Variants in LEF1 observed in about 807,000 individuals in gnomAD.
The protein encoded by LEF1 is lymphoid enhancer-binding factor 1.
LEF1 carries 14 observed loss-of-function variants against 51.2 expected under a neutral mutation model. The ratio of observed to expected loss-of-function variants is 0.27; its 90% CI spans 0.18 to 0.43. LEF1 has a LOEUF of 0.43. Ranked by LOEUF, LEF1 falls within the 20% of genes least tolerant of loss-of-function variation. The pLI is 1.00. For synonymous variants in LEF1, 185 were observed against 183.2 expected, an observed-to-expected ratio of 1.01 and a Z score of -0.08; for missense variants, 386 against 512.0, an observed-to-expected ratio of 0.75 and a Z score of 2.37.
intron 9 of LEF1, 184 bp downstream of exon 9, chr4:108,070,475 CAAAA>C (rs375476270): frequency 6.1e-6 from 2 of 326,904 alleles, no homozygotes. Flanking sequence ...GCACCCATAG[CAAAA>C]AAAAAAAGAT....
Position 108,048,562 on chromosome 4 carries a change from G to T in LEF1, c.*196C>A. ...TCTTGCAGTAGACGAAAGAGGGGTT[G>T]GCAGTGATTGTCTTTATGGATCAGC... On this transcript the variant is annotated 3_prime_UTR_variant, in exon 12 of 12. Transcript: ENST00000265165. 1.8e-6 allele frequency: 1 copy of T among 558,618 alleles called. No homozygotes were observed. The highest frequency in any genetic ancestry group is 5.2e-5 in the South Asian group (1 of 19,056). 34.6% of individuals were successfully genotyped at this position (558,618 alleles called of 1,614,324 possible).
At chr4:108,059,704 TGTTTTTTGC>T (rs1202582562) in intron 11 of LEF1, among the ~76,000 whole-genome samples, 2 of 152,054 alleles carry the variant, frequency 1.3e-5, no homozygotes, top group African/African-American at 2.4e-5. Context: ...CAGACTGGTT[TGTTTTTTGC>T]GTTTTTTGAG....
chr4:108,067,298 G>A (rs186987629), intron 9 of LEF1, among the ~76,000 whole-genome samples: 5 of 152,326 alleles, frequency 3.3e-5, no homozygotes, highest in Admixed American at 2.6e-4. Flanking sequence ...TCAACATGGA[G>A]AAGAGAGAGC....
At chr4:108,139,042 T>A (rs899834799) in intron 3 of LEF1, among the ~76,000 whole-genome samples, 1 of 152,176 alleles carries the variant, frequency 6.6e-6, no homozygotes, top group Non-Finnish European at 1.5e-5. Context: ...TACCTAAAAA[T>A]ACAGACTGAG....
intron 11 of LEF1, among the ~76,000 whole-genome samples, chr4:108,060,773 C>A (rs1242923192): frequency 6.6e-6 from 1 of 151,992 alleles, no homozygotes; most frequent in African/African-American, 2.4e-5. Flanking sequence ...ACTACCCTCA[C>A]AGCAACATAA....
At chr4:108,053,035 T>A (rs908307857) in intron 11 of LEF1, among the ~76,000 whole-genome samples, 2 of 152,172 alleles carry the variant, frequency 1.3e-5, no homozygotes, top group African/African-American at 4.8e-5. Context: ...CTCTCCACCA[T>A]ACCTTGGAAC....
At chr4:108,136,308 C>G (rs1743261263) in intron 3 of LEF1, among the ~76,000 whole-genome samples, 1 of 152,118 alleles carries the variant, frequency 6.6e-6, no homozygotes, top group Non-Finnish European at 1.5e-5. Context: ...CTGCTTTGTC[C>G]TTCTACTATA....
intron 9 of LEF1, among the ~76,000 whole-genome samples, chr4:108,066,667 A>T (rs1190562502): frequency 1.3e-5 from 2 of 152,250 alleles, no homozygotes; most frequent in Non-Finnish European, 2.9e-5. Context: ...ATCTACATTT[A>T]TGATAGGCAA....
intron 3 of LEF1, among the ~76,000 whole-genome samples, chr4:108,151,883 G>A (rs974900224): frequency 7.2e-5 from 11 of 152,098 alleles, no homozygotes; most frequent in African/African-American, 2.2e-4. Context: ...TGGTGTTGTT[G>A]CGTTACATTC....
In LEF1 at chr4:108,083,463, A is replaced by G. The variant is rs1394560527; in HGVS notation, c.548-17T>C. 6.6e-7 allele frequency: 1 copy of G among 1,521,084 alleles called. No homozygotes were observed. The highest frequency in any genetic ancestry group is 1.8e-5 in the Admixed American group (1 of 56,648). The allele number at this position is 1,521,084 out of a possible 1,614,324, so 94.2% of individuals were successfully genotyped here. On this transcript the variant is annotated splice_polypyrimidine_tract_variant and intron_variant, in intron 4 of 11. Coordinates refer to ENST00000265165, the MANE Select transcript of LEF1 (RefSeq NM_016269.5). ...TGGACATGCCTGTTAAACAGAACAG[A>G]GAGGTATCATTTACAGATTCACAGG...
chr4:108,081,064 T>C (rs1321243006), intron 6 of LEF1, among the ~76,000 whole-genome samples: 2 of 152,114 alleles, frequency 1.3e-5, no homozygotes, highest in Non-Finnish European at 2.9e-5. Context: ...ACGCACACCC[T>C]GTATGGCCTG....
At position 108,085,430 on chromosome 4, in the gene LEF1, G is replaced by A. The variant is rs149111087; in HGVS notation, c.548-1984C>T. 2.2e-4 allele frequency among the ~76,000 whole-genome samples: 34 copies of A among 152,324 alleles called. 1 individual carries two copies. The East Asian group carries it at 6.6e-3, about 29-fold the overall frequency. On this transcript the variant is annotated intron_variant, in intron 4 of 11. Coordinates refer to ENST00000265165, the MANE Select transcript of LEF1 (RefSeq NM_016269.5). ...TCACAGGTGTGGAAATTGAGGTCTAGAGGGACCAAGTGACTGTTAAGGCAT... is the reference window on the plus strand; with the variant it reads ...TCACAGGTGTGGAAATTGAGGTCTAAAGGGACCAAGTGACTGTTAAGGCAT...
chr4:108,070,174 C>T (rs1309993198), intron 9 of LEF1, among the ~76,000 whole-genome samples: 3 of 151,894 alleles, frequency 2.0e-5, no homozygotes, highest in African/African-American at 7.3e-5. Flanking sequence ...TTGTGAAATT[C>T]ACTTAATGGA....
intron 3 of LEF1, among the ~76,000 whole-genome samples, chr4:108,132,294 C>T (rs1172955556): frequency 1.3e-5 from 2 of 152,170 alleles, no homozygotes; most frequent in Non-Finnish European, 2.9e-5. Flanking sequence ...GGAATACTAT[C>T]CCATTCTGTA....
At chr4:108,162,304 T>C (rs912362404) in intron 3 of LEF1, among the ~76,000 whole-genome samples, 4 of 152,174 alleles carry the variant, frequency 2.6e-5, no homozygotes, top group African/African-American at 9.7e-5. Context: ...AGATCAAATA[T>C]CCTTTAGCAA....
chr4:108,074,866 T>G (rs578005761), intron 8 of LEF1, among the ~76,000 whole-genome samples: 2 of 152,358 alleles, frequency 1.3e-5, no homozygotes, highest in African/African-American at 4.8e-5. Flanking sequence ...CATACCTTCA[T>G]ATCATATCCT....
intron 3 of LEF1, among the ~76,000 whole-genome samples, chr4:108,094,873 G>A (rs1740277146): frequency 1.3e-5 from 2 of 152,138 alleles, no homozygotes; most frequent in Non-Finnish European, 2.9e-5. Flanking sequence ...TCTGGTACTC[G>A]TGACATAAAG....
chr4:108,077,040 A>AAAC (rs1180409318), intron 8 of LEF1, among the ~76,000 whole-genome samples: 1 of 151,234 alleles, frequency 6.6e-6, no homozygotes, highest in Admixed American at 6.6e-5. Flanking sequence ...AAAAAAAAAA[A>AAAC]AAAAGAATGA....
intron 3 of LEF1, among the ~76,000 whole-genome samples, chr4:108,145,924 T>C (rs975431542): frequency 2.6e-4 from 40 of 152,200 alleles, no homozygotes; most frequent in African/African-American, 9.7e-4. Context: ...CTGACTGTGA[T>C]GATGGCTGCA....
Sources: allele counts gnomAD v4.1 joint callset (sites outside exome capture counted in the v4.1 genomes callset), GRCh38; gene constraint gnomAD v4.1.1; transcripts MANE v1.5; gene names NCBI Gene and HGNC (gene_info 2026-07-23, HGNC 2026-07-21).